Variants in PTPN22 observed in about 807,000 individuals in gnomAD.
The protein encoded by PTPN22 is protein tyrosine phosphatase non-receptor type 22.
In PTPN22, 85 loss-of-function variants were observed where a neutral mutation model predicts 103.3. That is an observed-to-expected ratio of 0.82 (90% CI 0.69 to 0.99). The LOEUF (loss-of-function observed/expected upper bound fraction) is 0.99. Among genes scored for constraint, PTPN22 ranks in the 50% least tolerant of loss-of-function variants. PTPN22 has a pLI of 0.00. For missense variants in PTPN22, 865 were observed against 936.9 expected (o/e 0.92, Z 1.00); for synonymous variants, 323 against 310.2 (o/e 1.04, Z -0.43).
chr1:113,843,688 T>C (rs1663807447), intron 11 of PTPN22, among the ~76,000 whole-genome samples: 1 of 152,226 alleles, frequency 6.6e-6, no homozygotes, highest in East Asian at 1.9e-4. Flanking sequence ...TAAAATGATA[T>C]ATTATACCAC....
At chr1:113,821,949 C>T (rs1334393977) in intron 19 of PTPN22, among the ~76,000 whole-genome samples, 1 of 152,182 alleles carries the variant, frequency 6.6e-6, no homozygotes, top group African/African-American at 2.4e-5. Context: ...GGCAAATGAA[C>T]CAAGTCAAGA....
chr1:113,856,883 C>G (rs1665131031), intron 5 of PTPN22: 1 of 419,076 alleles, frequency 2.4e-6, no homozygotes, highest in Non-Finnish European at 4.3e-6. Flanking sequence ...CAAGAACTAA[C>G]AGAAATCATA....
In PTPN22 at chr1:113,837,634, G is replaced by A. The variant is rs750324436; in HGVS notation, c.1766C>T (p.Pro589Leu). The A allele has an allele frequency of 5.6e-6, 9 of 1,601,502 alleles. No individual in the cohort carries two copies. The Admixed American group carries it at 1.5e-4, about 27-fold the overall frequency. ...GTTCAATAGTGAGGAAATATTGGTT[G>A]GAGAATTCAGTGATAAAGAATCATG... is the stretch of plus-strand genomic sequence containing the variant. Residue 589 changes from proline (P) to leucine (L), a missense_variant, in exon 13 of 21, where the codon CCA becomes CTA. Pro to Leu is a moderately conservative substitution (Grantham distance 98). This residue lies in a region of PTPN22 where 401 missense variants were observed against 388.6 expected (regional missense o/e 1.03). Coordinates refer to ENST00000359785, the Ensembl canonical transcript of PTPN22.
exon 1 of PTPN22, chr1:113,871,576 G>T: frequency 6.2e-7 from 1 of 1,613,970 alleles, no homozygotes; most frequent in Non-Finnish European, 8.5e-7. Context: ...TAATTTTCTT[G>T]CTTTGGGCCT....
intron 19 of PTPN22, among the ~76,000 whole-genome samples, chr1:113,820,114 T>G (rs556966790): frequency 3.3e-5 from 5 of 152,300 alleles, no homozygotes; most frequent in East Asian, 1.9e-4. Flanking sequence ...TCTCTTTTTT[T>G]ATTCCACTTT....
rs1031321255 is a variant in PTPN22 at position 113,862,628 on chromosome 1, G to GGA, written c.88-3170_88-3169dup. On this transcript the variant is annotated intron_variant, in intron 1 of 20. Transcript: ENST00000359785. ...AAGACCACGATATCTTTGCCTTGAA[G>GGA]GACTACATTACTGGATAGAAGACGT... is the stretch of plus-strand genomic sequence containing the variant. 1.5e-4 allele frequency among the ~76,000 whole-genome samples: 23 copies of GGA among 152,278 alleles called. No individual in the cohort carries two copies. The East Asian group carries it at 3.1e-3, about 20-fold the overall frequency.
At chr1:113,835,824 TACAA>T (rs779697087) in intron 13 of PTPN22, among the ~76,000 whole-genome samples, 47 of 152,282 alleles carry the variant, frequency 3.1e-4, no homozygotes, top group South Asian at 8.3e-4. Flanking sequence ...TGTATTTCTA[TACAA>T]ACATTCAGTT....
At chr1:113,834,533 AC>A in intron 14 of PTPN22, 94 bp from the exon 15 acceptor site, 1 of 1,280,228 alleles carries the variant, frequency 7.8e-7, no homozygotes, top group Non-Finnish European at 1.1e-6. Context: ...CATTGAAAGG[AC>A]CTGAGAAGTA....
At chr1:113,822,709 C>T in intron 19 of PTPN22, among the ~76,000 whole-genome samples, 1 of 152,166 alleles carries the variant, frequency 6.6e-6, no homozygotes, top group East Asian at 1.9e-4. Flanking sequence ...CAGCTGTAAT[C>T]CCAGCACTTT....
In PTPN22 at chr1:113,852,226, G is replaced by C. The variant is rs981414088; in HGVS notation, c.751-122C>G. ...TAACATGGGGTAATATCAGAAAAATGATGCATTTTTAAAACAAATGAGGTT... is the reference window on the plus strand; with the variant it reads ...TAACATGGGGTAATATCAGAAAAATCATGCATTTTTAAAACAAATGAGGTT... On this transcript the variant is annotated intron_variant, in intron 9 of 20. Transcript: ENST00000359785. The C allele has an allele frequency of 8.9e-6, 6 of 677,178 alleles. No homozygotes were observed. The Admixed American group carries it at 1.1e-4, about 12-fold the overall frequency. The allele number at this position is 677,178 out of a possible 1,614,324, so 41.9% of individuals were successfully genotyped here.
intron 11 of PTPN22, among the ~76,000 whole-genome samples, chr1:113,844,322 C>A (rs1201345247): frequency 6.6e-6 from 1 of 152,114 alleles, no homozygotes; most frequent in Non-Finnish European, 1.5e-5. Context: ...GCCATGGTGG[C>A]ACATACCTGT....
chr1:113,853,655 T>G (rs1664768347), intron 9 of PTPN22, among the ~76,000 whole-genome samples: 1 of 151,530 alleles, frequency 6.6e-6, no homozygotes, highest in African/African-American at 2.4e-5. Flanking sequence ...GGCCAAAAAT[T>G]TCTTTCTTTT....
chr1:113,866,990 G>A (rs1666176710), intron 1 of PTPN22, among the ~76,000 whole-genome samples: 1 of 152,098 alleles, frequency 6.6e-6, no homozygotes, highest in African/African-American at 2.4e-5. Flanking sequence ...CAAGCCATCT[G>A]CTCGTCTCAG....
At chr1:113,868,327 G>C (rs1374260472) in intron 1 of PTPN22, among the ~76,000 whole-genome samples, 1 of 152,186 alleles carries the variant, frequency 6.6e-6, no homozygotes, top group East Asian at 1.9e-4. Flanking sequence ...CACCAGTTAA[G>C]TGAACAGTGG....
chr1:113,861,225 G>GT (rs953271141), intron 1 of PTPN22, among the ~76,000 whole-genome samples: 19 of 151,912 alleles, frequency 1.3e-4, no homozygotes, highest in Admixed American at 5.2e-4. Flanking sequence ...TTTTCTTTCT[G>GT]TTTTTTTGTT....
At chr1:113,857,601 G>T in intron 5 of PTPN22, 137 bp downstream of exon 5, 1 of 700,288 alleles carries the variant, frequency 1.4e-6, no homozygotes, top group South Asian at 2.1e-5. Context: ...AGAATCACGT[G>T]GCATTCCCAA....
chr1:113,841,193 C>T (rs1363398499), intron 11 of PTPN22, among the ~76,000 whole-genome samples: 1 of 151,702 alleles, frequency 6.6e-6, no homozygotes, highest in Non-Finnish European at 1.5e-5. Context: ...CATTGCACTC[C>T]ACCCTGGGCA....
rs1665184003 is a variant in PTPN22 at position 113,857,525 on chromosome 1, G to A, written c.408+213C>T. ...TTAAAAGCATACCTTGTTTTTAACT[G>A]TAAAACATAGGGTCTACTGAGAAAA... On this transcript the variant is annotated intron_variant, in intron 5 of 20. Coordinates refer to ENST00000359785, the Ensembl canonical transcript of PTPN22. 8 of 473,204 alleles carry A rather than the reference G, an allele frequency of 1.7e-5. No individual in the cohort carries two copies. In the South Asian group the frequency reaches 2.2e-4, roughly 13 times the overall value. The allele number at this position is 473,204 out of a possible 1,614,324, so 29.3% of individuals were successfully genotyped here.
In PTPN22 at chr1:113,854,550, A is replaced by T; in HGVS notation, c.684-13T>A. ...TCCACAGCCAGCACTGAAATGAAAG[A>T]TCACAGTAGCATGTATGCATGTATA... On this transcript the variant is annotated splice_polypyrimidine_tract_variant and intron_variant, in intron 8 of 20. Coordinates refer to ENST00000359785, the Ensembl canonical transcript of PTPN22. 1 of 1,609,382 alleles carries T rather than the reference A, an allele frequency of 6.2e-7. No individual in the cohort carries two copies. The highest frequency in any genetic ancestry group is 8.5e-7 in the Non-Finnish European group (1 of 1,175,670).
Sources: gnomAD v4.1 joint callset for allele counts (sites outside exome capture counted in the v4.1 genomes callset) on GRCh38, gnomAD v4.1.1 for gene constraint, gnomAD v4.1.1 regional missense constraint, MANE v1.5 for transcripts, NCBI Gene and HGNC (gene_info 2026-07-23, HGNC 2026-07-21) for gene names.